B3GAT2: variants seen among roughly 807,000 people sequenced by gnomAD.
The protein encoded by B3GAT2 is galactosylgalactosylxylosylprotein 3-beta-glucuronosyltransferase 2.
In B3GAT2, 26 loss-of-function variants were observed where a neutral mutation model predicts 27.8. The observed-to-expected ratio is 0.93, with a 90% CI of 0.68 to 1.30. The LOEUF (loss-of-function observed/expected upper bound fraction) is 1.30, where lower values mean the gene tolerates loss of function less well. Ranked by LOEUF, B3GAT2 falls within the 50% of genes most tolerant of loss-of-function variation. B3GAT2 has a pLI of 0.00. For missense variants in B3GAT2, 458 were observed against 459.0 expected (o/e 1.00, Z 0.02); for synonymous variants, 218 against 195.1 (o/e 1.12, Z -0.98).
Position 70,860,769 on chromosome 6 carries a change from T to G in B3GAT2, c.*894A>C, listed in dbSNP as rs1005687336. Reference sequence around the variant, plus strand: ...AATGTTTAATCATATAAATAGAATGTAAATGTCTCACTGAGCACTGTTTTC... The same window carrying G: ...AATGTTTAATCATATAAATAGAATGGAAATGTCTCACTGAGCACTGTTTTC... On this transcript the variant is annotated 3_prime_UTR_variant, in exon 4 of 4. Coordinates refer to ENST00000230053, the MANE Select transcript of B3GAT2 (RefSeq NM_080742.3). 10 of 399,384 alleles carry G rather than the reference T, an allele frequency of 2.5e-5. No homozygotes were observed. Among genetic ancestry groups the G allele is most frequent in the Non-Finnish European group, 4.4e-5 (10 of 226,362 alleles). The allele number at this position is 399,384 out of a possible 1,614,324, so 24.7% of individuals were successfully genotyped here. A position where few individuals can be genotyped will look rare whatever the true frequency, so the allele number is the denominator to read the frequency against.
At chr6:70,915,108 T>A (rs560013188) in intron 1 of B3GAT2, among the ~76,000 whole-genome samples, 1 of 152,260 alleles carries the variant, frequency 6.6e-6, no homozygotes, top group Admixed American at 6.5e-5. Context: ...CTAACTGGCA[T>A]GAGATGGTAT....
At chr6:70,927,569 G>A (rs1180474015) in intron 1 of B3GAT2, among the ~76,000 whole-genome samples, 1 of 152,130 alleles carries the variant, frequency 6.6e-6, no homozygotes, top group East Asian at 1.9e-4. Flanking sequence ...AAGATCAAAA[G>A]AGACAAAGAA....
rs182926720 is a variant in B3GAT2 at position 70,912,543 on chromosome 6, G to A, written c.592-18271C>T. ...GAATTCAGATTGCTAGTATTTTATT[G>A]AGAATTTTTGCATCTATGTTTGTCC... On this transcript the variant is annotated intron_variant, in intron 1 of 3. Transcript: ENST00000230053. Among the ~76,000 whole-genome samples, 4 of 152,168 alleles carry A rather than the reference G, an allele frequency of 2.6e-5. No individual in the cohort carries two copies. In the East Asian group the frequency reaches 7.7e-4, roughly 29 times the overall value.
intron 1 of B3GAT2, among the ~76,000 whole-genome samples, chr6:70,930,429 T>C (rs1373971524): frequency 6.6e-6 from 1 of 152,198 alleles, no homozygotes; most frequent in Non-Finnish European, 1.5e-5. Context: ...GAGAATATTT[T>C]TGCAATCTAC....
In B3GAT2 at chr6:70,956,841, G is replaced by C. The variant is rs913256804; in HGVS notation, c.-412C>G. 81 of 1,055,886 alleles carry C rather than the reference G, an allele frequency of 7.7e-5. No homozygotes were observed. The highest frequency in any genetic ancestry group is 8.7e-5 in the Non-Finnish European group (76 of 874,892). 65.4% of individuals were successfully genotyped at this position (1,055,886 alleles called of 1,614,324 possible). A position where few individuals can be genotyped will look rare whatever the true frequency, so the allele number is the denominator to read the frequency against. ...CCGCTCCAGTCCGGCGGTGCTGCGG[G>C]CACAAGGGCTCCAGCCGCGGGCCCC... is the stretch of plus-strand genomic sequence containing the variant. On this transcript the variant is annotated 5_prime_UTR_variant, in exon 1 of 4. Transcript: ENST00000230053.
At chr6:70,881,203 A>G (rs1772093967) in intron 2 of B3GAT2, among the ~76,000 whole-genome samples, 1 of 152,096 alleles carries the variant, frequency 6.6e-6, no homozygotes. Flanking sequence ...ACCCTCTCAC[A>G]TGAGGTTATT....
intron 2 of B3GAT2, among the ~76,000 whole-genome samples, chr6:70,872,708 T>A (rs1052881400): frequency 1.3e-5 from 2 of 152,030 alleles, no homozygotes; most frequent in African/African-American, 4.8e-5. Flanking sequence ...TAAATTGATT[T>A]ACATTTGTCT....
intron 1 of B3GAT2, among the ~76,000 whole-genome samples, chr6:70,899,840 T>C (rs1772466026): frequency 6.6e-6 from 1 of 152,078 alleles, no homozygotes; most frequent in Admixed American, 6.6e-5. Flanking sequence ...TTCTGAGGGG[T>C]AGGGGGAATG....
chr6:70,887,437 T>G (rs1772206167), intron 2 of B3GAT2, among the ~76,000 whole-genome samples: 1 of 152,128 alleles, frequency 6.6e-6, no homozygotes, highest in Non-Finnish European at 1.5e-5. Flanking sequence ...GGTCATCATT[T>G]ATAATAATTT....
chr6:70,956,947 A>G lies in B3GAT2; in HGVS notation c.-518T>C. 9.9e-7 allele frequency: 1 copy of G among 1,011,074 alleles called. No homozygotes were observed. Among genetic ancestry groups the G allele is most frequent in the Non-Finnish European group, 1.2e-6 (1 of 847,392 alleles). 62.6% of individuals were successfully genotyped at this position (1,011,074 alleles called of 1,614,324 possible). ...TCCTCACATTCCCGCCGGGGTGGCG[A>G]GGAGCGGGTGGAGACGCTGGGGGTT... is the stretch of plus-strand genomic sequence containing the variant. On this transcript the variant is annotated 5_prime_UTR_variant, in exon 1 of 4. Transcript: ENST00000230053.
At chr6:70,933,813 C>T (rs748124508) in intron 1 of B3GAT2, among the ~76,000 whole-genome samples, 1 of 152,154 alleles carries the variant, frequency 6.6e-6, no homozygotes, top group Non-Finnish European at 1.5e-5. Flanking sequence ...TCTTCTGGAG[C>T]CTTCCACAGC....
At chr6:70,900,317 C>T (rs746236966) in intron 1 of B3GAT2, among the ~76,000 whole-genome samples, 3 of 152,200 alleles carry the variant, frequency 2.0e-5, no homozygotes, top group Non-Finnish European at 4.4e-5. Flanking sequence ...GGTAGTGGTG[C>T]TTGTTCATCA....
rs764672977 is a variant in B3GAT2 at position 70,894,205 on chromosome 6, G to A, written c.659C>T (p.Pro220Leu). The change falls in exon 2 of 4, where the codon CCG (proline) becomes CTG (leucine). Residue 220 changes from proline to leucine, a missense_variant. Pro to Leu is a moderately conservative substitution (Grantham distance 98). Transcript: ENST00000230053. ...GLVGGRRYERPLVENGKVVGW... is the reference protein window; with the variant it reads ...GLVGGRRYERLLVENGKVVGW... ...AACAACTTTGCCGTTTTCCACCAGC[G>A]GACGTTCGTAGCGCCGCCCACCAAC... 27 of 1,613,732 alleles carry A rather than the reference G, an allele frequency of 1.7e-5. No homozygotes were observed. The highest frequency in any genetic ancestry group is 1.7e-4 in the Admixed American group (10 of 60,004).
At chr6:70,865,049 G>A (rs905091643) in intron 2 of B3GAT2, among the ~76,000 whole-genome samples, 2 of 152,196 alleles carry the variant, frequency 1.3e-5, no homozygotes, top group African/African-American at 4.8e-5. Flanking sequence ...ATCTGCAGAT[G>A]CATCTGCAGA....
intron 1 of B3GAT2, among the ~76,000 whole-genome samples, chr6:70,905,412 T>A (rs1037122011): frequency 2.0e-5 from 3 of 152,248 alleles, no homozygotes; most frequent in Non-Finnish European, 4.4e-5. Context: ...TAATTGCCAA[T>A]GACTATGTTA....
At position 70,956,620 on chromosome 6, in the gene B3GAT2, C is replaced by T; in HGVS notation, c.-191G>A. ...TGGGCGTGGAGGAGCGGCAGGTTCGCGCAAGCTAGAGCGACAAGGGGTGCA... is the reference window on the plus strand; with the variant it reads ...TGGGCGTGGAGGAGCGGCAGGTTCGTGCAAGCTAGAGCGACAAGGGGTGCA... On this transcript the variant is annotated 5_prime_UTR_variant, in exon 1 of 4. Transcript: ENST00000230053. 1 of 1,428,944 alleles carries T rather than the reference C, an allele frequency of 7.0e-7. No individual in the cohort carries two copies. Among genetic ancestry groups the T allele is most frequent in the Non-Finnish European group, 9.1e-7 (1 of 1,098,104 alleles). The allele number at this position is 1,428,944 out of a possible 1,614,324, so 88.5% of individuals were successfully genotyped here. A position where few individuals can be genotyped will look rare whatever the true frequency, so the allele number is the denominator to read the frequency against.
intron 1 of B3GAT2, among the ~76,000 whole-genome samples, chr6:70,899,170 G>A (rs544554863): frequency 6.6e-6 from 1 of 152,258 alleles, no homozygotes; most frequent in South Asian, 2.1e-4. Flanking sequence ...TGCCATTAAA[G>A]GGAATTAAAA....
At chr6:70,872,443 T>C (rs1771952078) in intron 2 of B3GAT2, among the ~76,000 whole-genome samples, 2 of 151,798 alleles carry the variant, frequency 1.3e-5, no homozygotes, top group Admixed American at 6.6e-5. Flanking sequence ...TTTTTTTTGG[T>C]CTCTAGTAAC....
chr6:70,898,146 A>T (rs9342798), intron 1 of B3GAT2, among the ~76,000 whole-genome samples: 4,787 of 152,282 alleles, frequency 0.031, 158 homozygotes, highest in East Asian at 0.077. Context: ...CAATTTCAGC[A>T]AATTCCGATA....
Sources: allele counts gnomAD v4.1 joint callset (sites outside exome capture counted in the v4.1 genomes callset), GRCh38; gene constraint gnomAD v4.1.1; transcripts MANE v1.5; gene names NCBI Gene and HGNC (gene_info 2026-07-23, HGNC 2026-07-21).